The following RNF11 variants were observed in gnomAD, a reference collection of about 807,000 sequenced individuals.
RNF11 encodes the protein ring finger protein 11.
A neutral mutation model predicts 15.8 loss-of-function variants in RNF11; 4 were observed. That is an observed-to-expected ratio of 0.25 (90% CI 0.12 to 0.58). The LOEUF is 0.58. Ranked by LOEUF, RNF11 falls within the 20% of genes least tolerant of loss-of-function variation. RNF11 has a pLI of 0.91. For missense variants in RNF11, 139 were observed against 194.4 expected (o/e 0.71, Z 1.70); for synonymous variants, 68 against 72.3 (o/e 0.94, Z 0.30).
chr1:51,254,107 A>G (rs1646893385), intron 1 of RNF11, among the ~76,000 whole-genome samples: 1 of 152,250 alleles, frequency 6.6e-6, no homozygotes, highest in South Asian at 2.1e-4. Flanking sequence ...CTCTTTGGTG[A>G]CCAAAATGTG....
chr1:51,270,528 A>G (rs961847711), intron 2 of RNF11, among the ~76,000 whole-genome samples: 1 of 152,214 alleles, frequency 6.6e-6, no homozygotes, highest in Non-Finnish European at 1.5e-5. Context: ...TGGGAGAATC[A>G]CTTGAAACTC....
At position 51,271,937 on chromosome 1, in the gene RNF11, T is replaced by C. The variant is rs1646980874; in HGVS notation, c.*615T>C. ...TTTATTTATAACCTGTTATAAGTGC[T>C]ATATTCTGTTTGCAGTTAGGAAATG... On this transcript the variant is annotated 3_prime_UTR_variant, in exon 3 of 3. Coordinates refer to ENST00000242719, the MANE Select transcript of RNF11 (RefSeq NM_014372.5). The C allele has an allele frequency of 2.0e-5, 3 of 152,780 alleles. No individual in the cohort carries two copies. Among genetic ancestry groups the C allele is most frequent in the East Asian group, 3.9e-4 (2 of 5,182 alleles). The allele number at this position is 152,780 out of a possible 1,614,324, so 9.5% of individuals were successfully genotyped here. A position where few individuals can be genotyped will look rare whatever the true frequency, so the allele number is the denominator to read the frequency against.
At chr1:51,255,078 CATT>C (rs1347988398) in intron 1 of RNF11, among the ~76,000 whole-genome samples, 2 of 152,056 alleles carry the variant, frequency 1.3e-5, no homozygotes, top group Non-Finnish European at 2.9e-5. Context: ...GCATAACATA[CATT>C]ATTTTATTTA....
At chr1:51,270,557 A>G (rs560208269) in intron 2 of RNF11, among the ~76,000 whole-genome samples, 1 of 152,342 alleles carries the variant, frequency 6.6e-6, no homozygotes, top group East Asian at 1.9e-4. Flanking sequence ...AAAGTAAAAT[A>G]AAGTAAAATA....
At chr1:51,244,856 A>G (rs1458205761) in intron 1 of RNF11, among the ~76,000 whole-genome samples, 1 of 152,220 alleles carries the variant, frequency 6.6e-6, no homozygotes, top group Admixed American at 6.5e-5. Context: ...TGTATGCATC[A>G]CTAAGAGTAA....
At chr1:51,253,324 A>G (rs914586105) in intron 1 of RNF11, among the ~76,000 whole-genome samples, 2 of 152,116 alleles carry the variant, frequency 1.3e-5, no homozygotes, top group Non-Finnish European at 2.9e-5. Context: ...AAGGAGGTTG[A>G]GACCAGCCTG....
At chr1:51,262,443 G>T (rs1646934332) in intron 1 of RNF11, among the ~76,000 whole-genome samples, 1 of 152,176 alleles carries the variant, frequency 6.6e-6, no homozygotes, top group Admixed American at 6.5e-5. Flanking sequence ...GAAAGTAAAA[G>T]TAACCAAAGT....
At position 51,246,979 on chromosome 1, in the gene RNF11, T is replaced by TAAAA. The variant is rs58842374; in HGVS notation, c.123+10114_123+10117dup. 6.1e-4 allele frequency among the ~76,000 whole-genome samples: 77 copies of TAAAA among 126,570 alleles called. 1 individual carries two copies. Among genetic ancestry groups the TAAAA allele is most frequent in the African/African-American group, 2.2e-3 (75 of 34,458 alleles). 83.0% of individuals were successfully genotyped at this position (126,570 alleles called of 152,430 possible). A position where few individuals can be genotyped will look rare whatever the true frequency, so the allele number is the denominator to read the frequency against. On this transcript the variant is annotated intron_variant, in intron 1 of 2. Transcript: ENST00000242719. ...GGCAGCAGAGTGAGACCTTATCTCTTAAAAAAAAAAAAAAAAAGGAAAAAA... is the reference window on the plus strand; with the variant it reads ...GGCAGCAGAGTGAGACCTTATCTCTTAAAAAAAAAAAAAAAAAAAAAGGAAAAAA...
intron 1 of RNF11, among the ~76,000 whole-genome samples, chr1:51,241,396 C>T (rs1557676599): frequency 1.3e-5 from 2 of 152,322 alleles, no homozygotes; most frequent in African/African-American, 4.8e-5. Context: ...TGGCTTCAGC[C>T]TCCTGAGTAG....
chr1:51,269,815 G>A, intron 1 of RNF11, 141 bp from the exon 2 acceptor site: 2 of 670,264 alleles, frequency 3.0e-6, no homozygotes, highest in South Asian at 1.8e-5. Context: ...AAGGCAGGGT[G>A]AAACACAGTC....
intron 1 of RNF11, among the ~76,000 whole-genome samples, chr1:51,244,467 C>G (rs893493039): frequency 1.3e-5 from 2 of 152,132 alleles, no homozygotes; most frequent in Non-Finnish European, 2.9e-5. Context: ...TCACTGCAAG[C>G]TCCGCCTCCC....
At chr1:51,249,083 G>A (rs1569661303) in intron 1 of RNF11, among the ~76,000 whole-genome samples, 1 of 152,260 alleles carries the variant, frequency 6.6e-6, no homozygotes, top group East Asian at 1.9e-4. Flanking sequence ...GAGGATTTTG[G>A]TGTTCAAGGA....
chr1:51,268,233 G>A (rs1166923204), intron 1 of RNF11, among the ~76,000 whole-genome samples: 1 of 152,174 alleles, frequency 6.6e-6, no homozygotes, highest in Non-Finnish European at 1.5e-5. Flanking sequence ...TTAGGCATGT[G>A]TGGTAAGAAG....
chr1:51,271,448 G>C lies in RNF11; in HGVS notation c.*126G>C. The C allele has an allele frequency of 1.5e-6, 1 of 676,556 alleles. No individual in the cohort carries two copies. Among genetic ancestry groups the C allele is most frequent in the Non-Finnish European group, 2.4e-6 (1 of 423,870 alleles). The allele number at this position is 676,556 out of a possible 1,614,324, so 41.9% of individuals were successfully genotyped here. ...CACAAAAGTTTCCTTAAAATTCCTG[G>C]ATGGCTGCAGATGTTGGGGGAAAAA... On this transcript the variant is annotated 3_prime_UTR_variant, in exon 3 of 3. Coordinates refer to ENST00000242719, the MANE Select transcript of RNF11 (RefSeq NM_014372.5).
intron 1 of RNF11, among the ~76,000 whole-genome samples, chr1:51,256,146 TATA>T (rs1487776024): frequency 1.3e-5 from 2 of 152,236 alleles, no homozygotes; most frequent in Non-Finnish European, 2.9e-5. Flanking sequence ...ATTTGCCATG[TATA>T]ATGACATGCA....
intron 1 of RNF11, among the ~76,000 whole-genome samples, chr1:51,240,282 G>A (rs1336807349): frequency 6.6e-6 from 1 of 152,072 alleles, no homozygotes; most frequent in Admixed American, 6.5e-5. Flanking sequence ...GCTATTCTAG[G>A]ACCTTTGTCC....
intron 1 of RNF11, among the ~76,000 whole-genome samples, chr1:51,247,678 A>T (rs1319222854): frequency 6.6e-6 from 1 of 151,788 alleles, no homozygotes. Context: ...TTATATTCAA[A>T]TTGGCCTTTT....
chr1:51,269,933 T>G (rs773967582), intron 1 of RNF11, 23 bp from the exon 2 acceptor site: 1 of 1,593,918 alleles, frequency 6.3e-7, no homozygotes, highest in Non-Finnish European at 8.6e-7. Flanking sequence ...ATAATCTTTT[T>G]CCTCTATATT....
At chr1:51,263,708 A>C (rs1370311178) in intron 1 of RNF11, among the ~76,000 whole-genome samples, 2 of 152,206 alleles carry the variant, frequency 1.3e-5, no homozygotes, top group African/African-American at 4.8e-5. Flanking sequence ...TAGAGACAAA[A>C]AGCAAATTAG....
Sources: allele counts gnomAD v4.1 joint callset (sites outside exome capture counted in the v4.1 genomes callset), GRCh38; gene constraint gnomAD v4.1.1; transcripts MANE v1.5; gene names NCBI Gene and HGNC (gene_info 2026-07-23, HGNC 2026-07-21).